Variants in ARPP19 observed in about 807,000 individuals in gnomAD.
The protein encoded by ARPP19 is cAMP regulated phosphoprotein 19, also known as cAMP-regulated phosphoprotein 19.
ARPP19 carries 8 observed loss-of-function variants against 12.0 expected under a neutral mutation model. That is an observed-to-expected ratio of 0.67 (90% CI 0.39 to 1.21). The LOEUF is 1.21. Among genes scored for constraint, ARPP19 ranks in the 50% most tolerant of loss-of-function variants. The pLI is 0.01. For synonymous variants in ARPP19, 47 were observed against 50.4 expected (o/e 0.93, Z 0.29); for missense variants, 102 against 136.3 (o/e 0.75, Z 1.25).
intron 1 of ARPP19, among the ~76,000 whole-genome samples, chr15:52,561,872 T>TG (rs1367967681): frequency 6.7e-6 from 1 of 149,108 alleles, no homozygotes; most frequent in Non-Finnish European, 1.5e-5. Context: ...TGAGGGTGGG[T>TG]GGTGGTGGTA....
At chr15:52,554,193 G>A (rs997973673) in intron 2 of ARPP19, among the ~76,000 whole-genome samples, 1 of 152,058 alleles carries the variant, frequency 6.6e-6, no homozygotes, top group Non-Finnish European at 1.5e-5. Context: ...TGTAATAAAC[G>A]CAGTTTCTAA....
chr15:52,551,987 G>T lies in ARPP19; in HGVS notation c.286C>A (p.Gln96Lys), dbSNP rs1211749522. The change falls in exon 3 of 3, where the codon CAA (glutamine) becomes AAA (lysine). Residue 96 changes from glutamine (Q) to lysine (K), a missense_variant. Physicochemically the swap from Gln to Lys is moderately conservative, Grantham distance 53. Transcript: ENST00000249822. ...GACGGCTTCCGTTGAGGAAGGTCTT[G>T]CGGAGTGGGAATGTGGTCACCAGTG... The part of the protein sequence containing the change: ...EVTGDHIPTP[Q>K]DLPQRKPSLV... 1.6e-5 allele frequency: 26 copies of T among 1,613,288 alleles called. No individual in the cohort carries two copies. Among genetic ancestry groups the T allele is most frequent in the Non-Finnish European group, 2.0e-5 (24 of 1,179,266 alleles).
Position 52,551,441 on chromosome 15 carries a change from G to A in ARPP19, c.*493C>T, listed in dbSNP as rs1461459718. The A allele has an allele frequency of 1.3e-5, 2 of 152,904 alleles. No homozygotes were observed. Among genetic ancestry groups the A allele is most frequent in the African/African-American group, 2.4e-5 (1 of 41,456 alleles). The allele number at this position is 152,904 out of a possible 1,614,324, so 9.5% of individuals were successfully genotyped here. A position where few individuals can be genotyped will look rare whatever the true frequency, so the allele number is the denominator to read the frequency against. ...AAGGCCATTCAAGTTCAAGCACAGA[G>A]ATACAAATCTTTCAGAGCCCCATCT... On this transcript the variant is annotated 3_prime_UTR_variant, in exon 3 of 3. Coordinates refer to ENST00000249822, the MANE Select transcript of ARPP19 (RefSeq NM_006628.6).
chr15:52,553,975 G>A (rs1566894640), intron 2 of ARPP19, among the ~76,000 whole-genome samples: 1 of 152,216 alleles, frequency 6.6e-6, no homozygotes, highest in Non-Finnish European at 1.5e-5. Flanking sequence ...CCCATCTAAA[G>A]CTTTCTGCAG....
At chr15:52,567,572 C>A (rs768128151) in intron 1 of ARPP19, among the ~76,000 whole-genome samples, 20 of 152,132 alleles carry the variant, frequency 1.3e-4, no homozygotes, top group Non-Finnish European at 2.2e-4. Flanking sequence ...CTTAATAATA[C>A]TGTTAAGATT....
chr15:52,568,938 G>T lies in ARPP19; in HGVS notation c.-46C>A. The T allele has an allele frequency of 6.8e-7, 1 of 1,462,938 alleles. No homozygotes were observed. The highest frequency in any genetic ancestry group is 9.3e-7 in the Non-Finnish European group (1 of 1,074,114). The allele number at this position is 1,462,938 out of a possible 1,614,324, so 90.6% of individuals were successfully genotyped here. A position where few individuals can be genotyped will look rare whatever the true frequency, so the allele number is the denominator to read the frequency against. The stretch of plus-strand genomic sequence containing the variant: ...GACGCCGGGAAAAGATGCAATTAGC[G>T]GGTGGCCGAGGCCACCCGGCCGCCG... On this transcript the variant is annotated 5_prime_UTR_variant, in exon 1 of 3. Transcript: ENST00000249822.
chr15:52,553,215 A>G (rs1044042985), intron 2 of ARPP19, among the ~76,000 whole-genome samples: 2 of 152,234 alleles, frequency 1.3e-5, no homozygotes, highest in East Asian at 3.8e-4. Flanking sequence ...TTTACCAAAA[A>G]TTAAGGTAAA....
At chr15:52,557,519 A>T (rs1217150188) in intron 1 of ARPP19, 1 of 242,058 alleles carries the variant, frequency 4.1e-6, no homozygotes, top group African/African-American at 2.3e-5. Flanking sequence ...TGTATAATAC[A>T]TTTATAGTTA....
intron 2 of ARPP19, among the ~76,000 whole-genome samples, chr15:52,552,885 C>T (rs1384496665): frequency 6.6e-6 from 1 of 151,926 alleles, no homozygotes; most frequent in Admixed American, 6.6e-5. Flanking sequence ...GAAACCAGAA[C>T]GGCCAATATG....
chr15:52,562,674 C>G (rs1454478102), intron 1 of ARPP19, among the ~76,000 whole-genome samples: 1 of 151,788 alleles, frequency 6.6e-6, no homozygotes, highest in South Asian at 2.1e-4. Context: ...CAAAACTTGT[C>G]AGGTATAGCA....
At chr15:52,555,796 T>A (rs531591753) in intron 2 of ARPP19, among the ~76,000 whole-genome samples, 1 of 152,154 alleles carries the variant, frequency 6.6e-6, no homozygotes, top group South Asian at 2.1e-4. Flanking sequence ...TTAAACATTT[T>A]TGCAATTTAG....
At chr15:52,563,927 T>C (rs111929977) in intron 1 of ARPP19, among the ~76,000 whole-genome samples, 57 of 152,334 alleles carry the variant, frequency 3.7e-4, no homozygotes, top group African/African-American at 1.3e-3. Flanking sequence ...TTAATGAATG[T>C]TCAATAAAAG....
Position 52,551,954 on chromosome 15 carries a change from C to A in ARPP19, c.319G>T (p.Ala107Ser). The A allele has an allele frequency of 1.2e-6, 2 of 1,613,502 alleles. No individual in the cohort carries two copies. The highest frequency in any genetic ancestry group is 1.7e-6 in the Non-Finnish European group (2 of 1,179,576). ...CTTAATCAGCCAGCCAGCTTGCTAG[C>A]AACAAGGGACGGCTTCCGTTGAGGA... Reference protein sequence around the residue: ...DLPQRKPSLVASKLAG With the variant: ...DLPQRKPSLVSSKLAG The change falls in exon 3 of 3, where the codon GCT becomes TCT. Residue 107 changes from alanine to serine, a missense_variant. By Grantham distance (99) the Ala-to-Ser change is moderately conservative (BLOSUM62 1). Coordinates refer to ENST00000249822, the MANE Select transcript of ARPP19 (RefSeq NM_006628.6).
chr15:52,567,066 A>G (rs1182425316), intron 1 of ARPP19, among the ~76,000 whole-genome samples: 2 of 152,242 alleles, frequency 1.3e-5, no homozygotes, highest in Non-Finnish European at 2.9e-5. Flanking sequence ...TCTTCCAAAT[A>G]GAAGAAACAG....
chr15:52,562,421 G>C (rs1420097355), intron 1 of ARPP19, among the ~76,000 whole-genome samples: 1 of 151,672 alleles, frequency 6.6e-6, no homozygotes, highest in Non-Finnish European at 1.5e-5. Context: ...ATAATTCCTG[G>C]TTAAAAAAGA....
intron 1 of ARPP19, chr15:52,564,235 G>T: frequency 6.5e-7 from 1 of 1,534,422 alleles, no homozygotes; most frequent in Non-Finnish European, 8.7e-7. Context: ...AAGGGAGCAT[G>T]TTGTGTTCAC....
intron 1 of ARPP19, among the ~76,000 whole-genome samples, chr15:52,564,404 C>T (rs2078063004): frequency 1.3e-5 from 2 of 152,118 alleles, no homozygotes. Flanking sequence ...AGAGTAAGAC[C>T]CTGTCTCAAA....
intron 2 of ARPP19, among the ~76,000 whole-genome samples, chr15:52,554,045 G>C (rs747058242): frequency 6.6e-6 from 1 of 152,228 alleles, no homozygotes; most frequent in East Asian, 1.9e-4. Context: ...GTGATGCACT[G>C]TAATATATTA....
Position 52,550,123 on chromosome 15 carries a change from TGAAGA to T in ARPP19, c.*1806_*1810del, listed in dbSNP as rs973506187. ...CGGGAGGCTCTCTGCAAGTCAAAGA[TGAAGA>T]GAAAAATAGTAGCATCTCAAGCTAC... On this transcript the variant is annotated 3_prime_UTR_variant, in exon 3 of 3. Coordinates refer to ENST00000249822, the MANE Select transcript of ARPP19 (RefSeq NM_006628.6). 9 of 152,216 alleles carry T rather than the reference TGAAGA, an allele frequency of 5.9e-5. No homozygotes were observed. The highest frequency in any genetic ancestry group is 2.2e-4 in the African/African-American group (9 of 41,434). 9.4% of individuals were successfully genotyped at this position (152,216 alleles called of 1,614,324 possible).
Sources: allele counts gnomAD v4.1 joint callset (sites outside exome capture counted in the v4.1 genomes callset), GRCh38; gene constraint gnomAD v4.1.1; transcripts MANE v1.5; gene names NCBI Gene and HGNC (gene_info 2026-07-23, HGNC 2026-07-21).